The following RRAS2 variants were observed in gnomAD, a reference collection of about 807,000 sequenced individuals.
RRAS2 encodes the protein ras-related protein R-Ras2.
Under a neutral mutation model 27.6 loss-of-function variants are expected in RRAS2, and 7 were observed. The observed-to-expected ratio is 0.25, with a 90% CI of 0.14 to 0.48. The LOEUF (loss-of-function observed/expected upper bound fraction) is 0.48. RRAS2 is among the 20% of genes least tolerant of loss of function. RRAS2 has a pLI of 0.99. For synonymous variants in RRAS2, 86 were observed against 90.9 expected (o/e 0.95, Z 0.31); for missense variants, 178 against 256.2 (o/e 0.69, Z 2.08).
At chr11:14,341,901 A>G in intron 1 of RRAS2, 2 of 447,876 alleles carry the variant, frequency 4.5e-6, no homozygotes, top group Non-Finnish European at 8.9e-6. Context: ...CCCCAACACC[A>G]AGAGGTAATC....
intron 1 of RRAS2, among the ~76,000 whole-genome samples, chr11:14,341,338 C>T (rs1404706111): frequency 2.0e-5 from 3 of 151,988 alleles, no homozygotes; most frequent in East Asian, 1.9e-4. Flanking sequence ...GTTATGAATT[C>T]GGTGCTGAGA....
At chr11:14,300,104 A>C (rs1257142096) in intron 1 of RRAS2, among the ~76,000 whole-genome samples, 1 of 152,166 alleles carries the variant, frequency 6.6e-6, no homozygotes, top group Non-Finnish European at 1.5e-5. Context: ...AAGGATAGGG[A>C]AGAAGGGTGG....
chr11:14,345,382 C>A (rs1350816379), intron 1 of RRAS2, among the ~76,000 whole-genome samples: 1 of 152,088 alleles, frequency 6.6e-6, no homozygotes, highest in Non-Finnish European at 1.5e-5. Context: ...TCTGAAAATG[C>A]AAATATGAAT....
chr11:14,360,800 A>C (rs1849181334), upstream of RRAS2, among the ~76,000 whole-genome samples: 1 of 150,830 alleles, frequency 6.6e-6, no homozygotes, highest in East Asian at 2.0e-4. Flanking sequence ...GTGCACTTGT[A>C]CTCTCCGCTA....
chr11:14,284,071 C>T (rs1849606823), intron 4 of RRAS2, among the ~76,000 whole-genome samples: 1 of 152,054 alleles, frequency 6.6e-6, no homozygotes, highest in African/African-American at 2.4e-5. Flanking sequence ...TTCCCTTCTA[C>T]TTACTATGGG....
intron 1 of RRAS2, among the ~76,000 whole-genome samples, chr11:14,329,024 TATATAC>T (rs1260094193): frequency 1.4e-5 from 2 of 146,598 alleles, no homozygotes; most frequent in Middle Eastern, 3.5e-3. Context: ...TATATATATA[TATATAC>T]ACACACACAT....
At chr11:14,280,457 G>A (rs540129171) in intron 5 of RRAS2, among the ~76,000 whole-genome samples, 45 of 152,050 alleles carry the variant, frequency 3.0e-4, no homozygotes, top group African/African-American at 9.6e-4. Flanking sequence ...GCCCAGGTGC[G>A]GTGGCTCACG....
intron 1 of RRAS2, among the ~76,000 whole-genome samples, chr11:14,297,503 G>C (rs1414369578): frequency 1.3e-5 from 2 of 152,144 alleles, no homozygotes; most frequent in African/African-American, 4.8e-5. Flanking sequence ...AGCCAGGCAT[G>C]GTGGCTCATG....
intron 4 of RRAS2, among the ~76,000 whole-genome samples, chr11:14,290,573 C>T (rs1820931021): frequency 6.6e-6 from 1 of 152,164 alleles, no homozygotes; most frequent in South Asian, 2.1e-4. Context: ...ACATCCAGAG[C>T]CCAAGACACT....
intron 1 of RRAS2, chr11:14,308,134 C>T: frequency 7.2e-6 from 2 of 277,176 alleles, no homozygotes; most frequent in Non-Finnish European, 7.2e-6. Context: ...TGTTAAATAC[C>T]CACAGTTTAT....
chr11:14,288,720 T>A (rs1849729816), intron 4 of RRAS2, among the ~76,000 whole-genome samples: 1 of 152,194 alleles, frequency 6.6e-6, no homozygotes, highest in Admixed American at 6.5e-5. Flanking sequence ...CCAGTAAGAC[T>A]CAGTTCAAAA....
chr11:14,293,124 AATATATATATATAT>A (rs781860601), intron 4 of RRAS2, among the ~76,000 whole-genome samples: 2,904 of 76,820 alleles, frequency 0.038, 300 homozygotes, highest in African/African-American at 0.13. Context: ...AAACAAAACA[AATATATATATATAT>A]ATATATATAT....
At chr11:14,301,988 AAAAT>A (rs1482301857) in intron 1 of RRAS2, among the ~76,000 whole-genome samples, 4 of 152,016 alleles carry the variant, frequency 2.6e-5, no homozygotes, top group Non-Finnish European at 2.9e-5. Context: ...TTCAAAAATT[AAAAT>A]AAATAAATAA....
At chr11:14,351,783 T>C (rs551730096) in intron 1 of RRAS2, among the ~76,000 whole-genome samples, 10 of 149,682 alleles carry the variant, frequency 6.7e-5, no homozygotes, top group Non-Finnish European at 1.3e-4. Context: ...TAATCTCAGC[T>C]ACTCGGGAGG....
At chr11:14,363,997 G>A (rs782472296), upstream of RRAS2, among the ~76,000 whole-genome samples, 1 of 152,170 alleles carries the variant, frequency 6.6e-6, no homozygotes, top group Non-Finnish European at 1.5e-5. Flanking sequence ...TTGAACCCGG[G>A]AGGCGGAGGT....
chr11:14,340,753 T>C (rs1202516995), intron 1 of RRAS2, among the ~76,000 whole-genome samples: 2 of 152,078 alleles, frequency 1.3e-5, no homozygotes, highest in African/African-American at 4.8e-5. Context: ...AAGGATATAA[T>C]CCAAACCTCT....
rs576113310 is a variant in RRAS2 at position 14,281,140 on chromosome 11, G to A, written c.527+462C>T. On this transcript the variant is annotated intron_variant, in intron 5 of 5. Coordinates refer to ENST00000256196, the MANE Select transcript of RRAS2 (RefSeq NM_012250.6). ...AGGAGCACAGGCTCTGGAATCAGAG[G>A]TTTGAATTAAAGCCCCAGTTCTGCC... Among the ~76,000 whole-genome samples, 19 of 152,294 alleles carry A rather than the reference G, an allele frequency of 1.2e-4. No homozygotes were observed. In the South Asian group the frequency reaches 3.9e-3, roughly 32 times the overall value.
At chr11:14,347,747 T>C (rs1373007721) in intron 1 of RRAS2, among the ~76,000 whole-genome samples, 3 of 151,956 alleles carry the variant, frequency 2.0e-5, no homozygotes, top group Admixed American at 2.0e-4. Context: ...GCCCAGGAGT[T>C]CCGAGGGTGC....
intron 1 of RRAS2, among the ~76,000 whole-genome samples, chr11:14,349,871 C>A (rs552848081): frequency 1.7e-3 from 265 of 152,082 alleles, no homozygotes; most frequent in Non-Finnish European, 3.4e-3. Context: ...TATTTGTACT[C>A]CCTGTTAAGG....
Sources: allele counts gnomAD v4.1 joint callset (sites outside exome capture counted in the v4.1 genomes callset), GRCh38; gene constraint gnomAD v4.1.1; transcripts MANE v1.5; gene names NCBI Gene and HGNC (gene_info 2026-07-23, HGNC 2026-07-21).